The following PIP5K1B variants were observed in gnomAD, a reference collection of about 807,000 sequenced individuals.
PIP5K1B encodes the protein phosphatidylinositol 4-phosphate 5-kinase type-1 beta.
In PIP5K1B, 42 loss-of-function variants were observed where a neutral mutation model predicts 67.0. That is an observed-to-expected ratio of 0.63 (90% CI 0.49 to 0.81). The LOEUF (loss-of-function observed/expected upper bound fraction) is 0.81. Ranked by LOEUF, PIP5K1B falls within the 30% of genes least tolerant of loss-of-function variation. The pLI is 0.00. For synonymous variants in PIP5K1B, 214 were observed against 231.4 expected (o/e 0.92, Z 0.68); for missense variants, 459 against 646.3 (o/e 0.71, Z 3.14).
In PIP5K1B at chr9:68,880,863, A is replaced by G. The variant is rs542717195; in HGVS notation, c.318+4069A>G. ...TGGGGACACCTGCAGCACAGGACTG[A>G]GGCAGCTCCCCAACAAACTTTGGAG... On this transcript the variant is annotated intron_variant, in intron 6 of 15. Coordinates refer to ENST00000265382, the MANE Select transcript of PIP5K1B (RefSeq NM_003558.4). Among the ~76,000 whole-genome samples, 216 of 152,272 alleles carry G rather than the reference A, an allele frequency of 1.4e-3. 3 individuals are homozygous for G. Among genetic ancestry groups the G allele is most frequent in the African/African-American group, 4.8e-3 (201 of 41,564 alleles).
intron 1 of PIP5K1B, among the ~76,000 whole-genome samples, chr9:68,719,194 A>G (rs1431720075): frequency 6.6e-6 from 1 of 152,128 alleles, no homozygotes; most frequent in Non-Finnish European, 1.5e-5. Flanking sequence ...TTTTTGTAAC[A>G]TATTGATAAT....
chr9:68,745,526 C>T (rs1829252286), intron 2 of PIP5K1B, among the ~76,000 whole-genome samples: 1 of 152,220 alleles, frequency 6.6e-6, no homozygotes. Flanking sequence ...AGGGCTTATC[C>T]TTAGCTCTTG....
intron 15 of PIP5K1B, among the ~76,000 whole-genome samples, chr9:69,000,099 C>G (rs1259333359): frequency 6.6e-6 from 1 of 152,084 alleles, no homozygotes; most frequent in Admixed American, 6.5e-5. Flanking sequence ...TCCAAGTGTG[C>G]CCCCCTCATC....
At chr9:68,951,123 A>G (rs560780408) in intron 14 of PIP5K1B, among the ~76,000 whole-genome samples, 1 of 152,372 alleles carries the variant, frequency 6.6e-6, no homozygotes, top group Admixed American at 6.5e-5. Flanking sequence ...GAATCATTTA[A>G]TAACCTGTTT....
chr9:68,995,239 GAGAA>G (rs1295719230), intron 15 of PIP5K1B, among the ~76,000 whole-genome samples: 1 of 151,032 alleles, frequency 6.6e-6, no homozygotes, highest in Non-Finnish European at 1.5e-5. Context: ...GAAAGAAAGA[GAGAA>G]AGAAAGAGAA....
intron 14 of PIP5K1B, among the ~76,000 whole-genome samples, chr9:68,964,551 A>G (rs2132771160): frequency 6.6e-6 from 1 of 152,370 alleles, no homozygotes; most frequent in South Asian, 2.1e-4. Context: ...TAGCCCAGGA[A>G]GCTGATGAGC....
intron 4 of PIP5K1B, among the ~76,000 whole-genome samples, chr9:68,824,590 T>A (rs888287374): frequency 1.1e-4 from 16 of 152,160 alleles, no homozygotes; most frequent in Non-Finnish European, 1.5e-4. Flanking sequence ...TTTCTGGTTT[T>A]AAAAAGTATA....
chr9:69,003,588 C>G (rs1830927645), intron 15 of PIP5K1B, among the ~76,000 whole-genome samples: 1 of 152,126 alleles, frequency 6.6e-6, no homozygotes. Flanking sequence ...AGTTCCGCCT[C>G]TCTCAGCACT....
intron 6 of PIP5K1B, among the ~76,000 whole-genome samples, chr9:68,878,063 A>T (rs1587603530): frequency 7.5e-6 from 1 of 133,856 alleles, no homozygotes; most frequent in Non-Finnish European, 1.7e-5. Context: ...GTTAGAGAAC[A>T]CCCTTTGGTT....
chr9:68,766,095 T>C (rs989880406), intron 2 of PIP5K1B, among the ~76,000 whole-genome samples: 2 of 152,170 alleles, frequency 1.3e-5, no homozygotes, highest in African/African-American at 2.4e-5. Flanking sequence ...TAGAATGATA[T>C]TGTGTAGGAA....
At chr9:68,896,450 CTT>C (rs1825091121) in intron 8 of PIP5K1B, among the ~76,000 whole-genome samples, 2 of 151,786 alleles carry the variant, frequency 1.3e-5, no homozygotes, top group Admixed American at 1.3e-4. Flanking sequence ...TCAAACCAAA[CTT>C]TTCATCACAA....
At chr9:68,882,840 A>G (rs1197075760) in intron 6 of PIP5K1B, among the ~76,000 whole-genome samples, 1 of 152,206 alleles carries the variant, frequency 6.6e-6, no homozygotes, top group African/African-American at 2.4e-5. Flanking sequence ...TCGTGAGTAA[A>G]TGAGAAACCC....
At chr9:68,921,648 C>G (rs1477570659) in intron 11 of PIP5K1B, among the ~76,000 whole-genome samples, 1 of 152,108 alleles carries the variant, frequency 6.6e-6, no homozygotes, top group Non-Finnish European at 1.5e-5. Flanking sequence ...GTCAGGAGTT[C>G]GAGACCAGCC....
At chr9:68,803,645 A>G (rs1832720361) in intron 2 of PIP5K1B, among the ~76,000 whole-genome samples, 1 of 152,198 alleles carries the variant, frequency 6.6e-6, no homozygotes, top group East Asian at 1.9e-4. Flanking sequence ...TGCCTCTAAC[A>G]AGTCTCTCTG....
chr9:68,810,027 A>C (rs2132022149), intron 2 of PIP5K1B, among the ~76,000 whole-genome samples: 1 of 152,338 alleles, frequency 6.6e-6, no homozygotes, highest in Non-Finnish European at 1.5e-5. Flanking sequence ...AATAAAAATG[A>C]ATTCAAAAGA....
chr9:68,723,056 T>G (rs932319860), intron 1 of PIP5K1B, among the ~76,000 whole-genome samples: 3 of 152,190 alleles, frequency 2.0e-5, no homozygotes, highest in Admixed American at 1.3e-4. Flanking sequence ...AATATTTGTC[T>G]TTCTGTGCCT....
At chr9:68,976,656 A>G (rs1829642511) in intron 14 of PIP5K1B, among the ~76,000 whole-genome samples, 1 of 152,164 alleles carries the variant, frequency 6.6e-6, no homozygotes, top group African/African-American at 2.4e-5. Flanking sequence ...CAGAGTAGGG[A>G]TGGTTTCAGA....
chr9:68,909,853 A>G (rs1167579889), intron 8 of PIP5K1B, among the ~76,000 whole-genome samples: 2 of 152,200 alleles, frequency 1.3e-5, no homozygotes, highest in Non-Finnish European at 2.9e-5. Flanking sequence ...TTCATTCATC[A>G]GGAGTGGTAA....
At chr9:68,713,179 A>T (rs1564082744) in intron 1 of PIP5K1B, among the ~76,000 whole-genome samples, 1 of 152,210 alleles carries the variant, frequency 6.6e-6, no homozygotes, top group African/African-American at 2.4e-5. Context: ...CAGGTGGATC[A>T]CCTGAGGTCA....
Sources: allele counts gnomAD v4.1 joint callset (sites outside exome capture counted in the v4.1 genomes callset), GRCh38; gene constraint gnomAD v4.1.1; transcripts MANE v1.5; gene names NCBI Gene and HGNC (gene_info 2026-07-23, HGNC 2026-07-21).